The following FAM53A variants were observed in gnomAD, a reference collection of about 807,000 sequenced individuals.
FAM53A encodes the protein family with sequence similarity 53 member A.
Under a neutral mutation model 26.6 loss-of-function variants are expected in FAM53A, and 28 were observed. The ratio of observed to expected loss-of-function variants is 1.05; its 90% confidence interval spans 0.78 to 1.45. The LOEUF (loss-of-function observed/expected upper bound fraction) is 1.45. Among genes scored for constraint, FAM53A ranks in the 40% most tolerant of loss-of-function variants. The probability of loss-of-function intolerance (pLI) is 0.00; values close to 1 mark genes in which losing one functional copy is unlikely to be tolerated. For synonymous variants in FAM53A, 290 were observed against 253.1 expected (o/e 1.15, Z -1.38); for missense variants, 650 against 575.8 (o/e 1.13, Z -1.32).
intron 1 of FAM53A, among the ~76,000 whole-genome samples, chr4:1,675,306 G>A (rs1234201040): frequency 1.3e-5 from 2 of 152,106 alleles, no homozygotes; most frequent in South Asian, 2.1e-4. Flanking sequence ...CCTGAGCTCC[G>A]GGAAGCACAG....
chr4:1,653,131 T>G (rs947840816), intron 4 of FAM53A, among the ~76,000 whole-genome samples: 2 of 149,834 alleles, frequency 1.3e-5, no homozygotes, highest in Admixed American at 1.3e-4. Context: ...ACACAGCACA[T>G]AGCACGTGTG....
chr4:1,672,057 AC>A (rs1714701559), intron 1 of FAM53A, among the ~76,000 whole-genome samples: 1 of 151,608 alleles, frequency 6.6e-6, no homozygotes, highest in Middle Eastern at 3.2e-3. Flanking sequence ...GAACCCAGGA[AC>A]CCATGGACCC....
intron 1 of FAM53A, among the ~76,000 whole-genome samples, chr4:1,679,556 C>T (rs1366344280): frequency 2.7e-5 from 4 of 149,500 alleles, no homozygotes; most frequent in Admixed American, 6.7e-5. Context: ...CGTGGTGGCA[C>T]GCACCTGTAA....
chr4:1,644,630 T>C (rs73795194), intron 4 of FAM53A: 14,119 of 411,454 alleles, frequency 0.034, 1,191 homozygotes, highest in African/African-American at 0.2. Context: ...TCTGGTTGGA[T>C]GGTCACTTCC....
At chr4:1,600,285 C>T in the FAM53A span, among the ~76,000 whole-genome samples, 200 of 152,278 alleles carry the variant, frequency 1.3e-3, 1 homozygote, top group Middle Eastern at 0.017. Flanking sequence ...AGTTGGGGCA[C>T]GCAGGGGCTG....
At chr4:1,649,182 GGGGAAGGGGAAGGGGAAAGGGAAA>G (rs1560151250) in intron 4 of FAM53A, among the ~76,000 whole-genome samples, 1 of 117,868 alleles carries the variant, frequency 8.5e-6, no homozygotes, top group East Asian at 2.0e-4. Flanking sequence ...GGAAAGGGAA[GGGGAAGGGGAAGGGGAAAGGGAAA>G]GGGAAGGGGA....
the FAM53A span, among the ~76,000 whole-genome samples, chr4:1,598,338 C>T: frequency 2.0e-5 from 3 of 152,260 alleles, no homozygotes; most frequent in African/African-American, 4.8e-5. Flanking sequence ...CCAAACGCTG[C>T]GCCTTCCGCC....
chr4:1,653,803 G>GACCCTGA (rs1342631099), intron 4 of FAM53A, among the ~76,000 whole-genome samples: 2 of 152,244 alleles, frequency 1.3e-5, no homozygotes, highest in African/African-American at 4.8e-5. Flanking sequence ...CGTCCTGGAG[G>GACCCTGA]ACCCTGGGGG....
chr4:1,575,079 A>G, the FAM53A span, among the ~76,000 whole-genome samples: 2 of 152,138 alleles, frequency 1.3e-5, no homozygotes, highest in African/African-American at 4.8e-5. Flanking sequence ...CCAAGAGGAC[A>G]GGGTGCAGCA....
the FAM53A span, among the ~76,000 whole-genome samples, chr4:1,610,263 TCCTCCCCTGGCCCCCAGACTCCAGCTG>T: frequency 1.1e-4 from 16 of 148,370 alleles, no homozygotes; most frequent in Admixed American, 7.3e-4. Flanking sequence ...CAAGAATTTC[TCCTCCCCTGGCCCCCAGACTCCAGCTG>T]CCTCCCCTGG....
chr4:1,613,357 T>C (rs1260710406), downstream of FAM53A, among the ~76,000 whole-genome samples: 1 of 152,094 alleles, frequency 6.6e-6, no homozygotes, highest in Admixed American at 6.5e-5. Context: ...CAGAAGTGAG[T>C]GGGCCCAGTC....
intron 3 of FAM53A, 64 bp from the exon 4 acceptor site, chr4:1,655,787 AT>A: frequency 1.4e-6 from 2 of 1,447,856 alleles, no homozygotes; most frequent in Non-Finnish European, 1.8e-6. Context: ...GGCGACATCC[AT>A]CCCGGCAAAC....
At chr4:1,680,921 G>C (rs1715391670) in intron 1 of FAM53A, among the ~76,000 whole-genome samples, 2 of 152,182 alleles carry the variant, frequency 1.3e-5, no homozygotes, top group African/African-American at 2.4e-5. Context: ...TTACACATTT[G>C]TCTAAATCCA....
chr4:1,594,584 T>C, the FAM53A span, among the ~76,000 whole-genome samples: 2 of 152,248 alleles, frequency 1.3e-5, no homozygotes, highest in African/African-American at 4.8e-5. Context: ...GGCTTACGCC[T>C]GTAATCCCAG....
At chr4:1,652,407 A>G (rs987280585) in intron 4 of FAM53A, among the ~76,000 whole-genome samples, 5 of 140,142 alleles carry the variant, frequency 3.6e-5, no homozygotes, top group Non-Finnish European at 7.8e-5. Flanking sequence ...CACACACCAG[A>G]CACACACACG....
rs751076162 is a variant in FAM53A at position 1,657,463 on chromosome 4, C to G, written c.81G>C (p.Gln27His). 3 of 1,613,602 alleles carry G rather than the reference C, an allele frequency of 1.9e-6. No individual in the cohort carries two copies. The highest frequency in any genetic ancestry group is 2.2e-5 in the East Asian group (1 of 44,900). Residue 27 changes from glutamine (Q) to histidine (H), a missense_variant, in exon 3 of 5, where the codon CAG (glutamine) becomes CAC (histidine). Gln to His is a conservative substitution (Grantham distance 24). Transcript: ENST00000308132. The part of the protein sequence containing the change: ...LTCKAEAGPL[Q>H]YSAETLNKSG... ...TCTTGTTCAGGGTTTCCGCAGAATA[C>G]TGCAACTGACAGGAAAGAGAAGTTT...
downstream of FAM53A, among the ~76,000 whole-genome samples, chr4:1,637,091 T>TGG (rs147758005): frequency 0.014 from 2,041 of 149,976 alleles, 45 homozygotes; most frequent in African/African-American, 0.047. Context: ...CACAACCGTC[T>TGG]GGGGCTGGGG....
chr4:1,631,772 AC>A, intron 1 of FAM53A, among the ~76,000 whole-genome samples: 1 of 152,338 alleles, frequency 6.6e-6, no homozygotes, highest in African/African-American at 2.4e-5. Flanking sequence ...CCCACTGAAA[AC>A]CAAAAATACA....
intron 4 of FAM53A, among the ~76,000 whole-genome samples, chr4:1,649,855 AGTGAGGTGGCACAGGCGTGGTGTTT>A (rs1560152338): frequency 3.5e-5 from 5 of 141,718 alleles, no homozygotes; most frequent in Non-Finnish European, 4.7e-5. Context: ...GGTGTTTGAC[AGTGAGGTGGCACAGGCGTGGTGTTT>A]GTGAGGTGGC....
Sources: allele counts gnomAD v4.1 joint callset (sites outside exome capture counted in the v4.1 genomes callset), GRCh38; gene constraint gnomAD v4.1.1; transcripts MANE v1.5; gene names NCBI Gene and HGNC (gene_info 2026-07-23, HGNC 2026-07-21).